The following LRP1B variants were observed in gnomAD, a reference collection of about 807,000 sequenced individuals.
LRP1B encodes low-density lipoprotein receptor-related protein 1B.
LRP1B carries 217 observed loss-of-function variants against 556.6 expected under a neutral mutation model. The ratio of observed to expected loss-of-function variants is 0.39; its 90% CI spans 0.35 to 0.44. The LOEUF (loss-of-function observed/expected upper bound fraction) is 0.44, where lower values mean the gene tolerates loss of function less well. LRP1B is among the 20% of genes least tolerant of loss of function. The pLI, the probability that LRP1B is intolerant of heterozygous loss-of-function variation, is 1.00. For missense variants in LRP1B, 5,053 were observed against 5,620.8 expected, an observed-to-expected ratio of 0.90 and a Z score of 3.23; for synonymous variants, 2,047 against 1,865.8, an observed-to-expected ratio of 1.10 and a Z score of -2.50.
intron 84 of LRP1B, among the ~76,000 whole-genome samples, chr2:140,294,954 G>A (rs2104994481): frequency 6.6e-6 from 1 of 152,274 alleles, no homozygotes; most frequent in East Asian, 1.9e-4. Flanking sequence ...TCGGCTCACT[G>A]CAAGCTCCAC....
At chr2:142,049,006 T>C (rs1704352934) in intron 1 of LRP1B, among the ~76,000 whole-genome samples, 1 of 152,108 alleles carries the variant, frequency 6.6e-6, no homozygotes, top group Non-Finnish European at 1.5e-5. Flanking sequence ...AGTTTCTAAA[T>C]GTCTCAAAGC....
chr2:140,532,356 T>C (rs1690732466), intron 47 of LRP1B, among the ~76,000 whole-genome samples: 1 of 151,282 alleles, frequency 6.6e-6, no homozygotes, highest in Non-Finnish European at 1.5e-5. Context: ...CCCTGGCTCC[T>C]TCCCATACCT....
intron 25 of LRP1B, among the ~76,000 whole-genome samples, chr2:140,874,707 C>T (rs1693249482): frequency 6.6e-6 from 1 of 151,674 alleles, no homozygotes; most frequent in Admixed American, 6.6e-5. Context: ...AATTACAGGG[C>T]TTGGACTCCT....
chr2:140,325,045 AAAGTGGATATGAT>A (rs1373417317), intron 80 of LRP1B, among the ~76,000 whole-genome samples: 14 of 152,276 alleles, frequency 9.2e-5, no homozygotes, highest in African/African-American at 3.4e-4. Context: ...ATAAAAATTT[AAAGTGGATATGAT>A]AATTTGTGGT....
At chr2:141,083,777 GCCACCTCAGGACTCTGCAGCGAGT>G (rs1466667015) in intron 7 of LRP1B, among the ~76,000 whole-genome samples, 1 of 152,134 alleles carries the variant, frequency 6.6e-6, no homozygotes, top group East Asian at 1.9e-4. Flanking sequence ...GATGCCCTGT[GCCACCTCAGGACTCTGCAGCGAGT>G]CCTCATTGGC....
chr2:140,302,270 T>C (rs1237047030), intron 83 of LRP1B, among the ~76,000 whole-genome samples: 1 of 152,162 alleles, frequency 6.6e-6, no homozygotes, highest in Non-Finnish European at 1.5e-5. Context: ...GATTCTGGGC[T>C]CCTTCTTCTT....
intron 3 of LRP1B, among the ~76,000 whole-genome samples, chr2:141,361,426 G>A (rs966939128): frequency 2.6e-5 from 4 of 151,900 alleles, no homozygotes; most frequent in South Asian, 2.1e-4. Context: ...ATATTTAAAG[G>A]AGATATGCTG....
chr2:141,795,408 G>A (rs992199748), intron 2 of LRP1B, among the ~76,000 whole-genome samples: 1 of 152,064 alleles, frequency 6.6e-6, no homozygotes, highest in Non-Finnish European at 1.5e-5. Context: ...GCGTGAGTGT[G>A]CACAGCAGCC....
chr2:141,362,464 G>A (rs1688859669), intron 3 of LRP1B, among the ~76,000 whole-genome samples: 1 of 152,204 alleles, frequency 6.6e-6, no homozygotes, highest in Non-Finnish European at 1.5e-5. Flanking sequence ...CAGCGCAGAA[G>A]AAAGGAAACT....
chr2:140,988,935 T>C (rs557744566), intron 17 of LRP1B, among the ~76,000 whole-genome samples: 1 of 152,246 alleles, frequency 6.6e-6, no homozygotes, highest in Admixed American at 6.5e-5. Context: ...ATGACCTTTC[T>C]GGCACTCCAT....
intron 3 of LRP1B, among the ~76,000 whole-genome samples, chr2:141,424,847 T>C (rs1221481378): frequency 2.6e-5 from 4 of 152,206 alleles, no homozygotes; most frequent in Non-Finnish European, 1.5e-5. Flanking sequence ...GATAACCTTG[T>C]AGTGAGGTTT....
At chr2:141,074,647 A>AT (rs1699740910) in intron 7 of LRP1B, among the ~76,000 whole-genome samples, 3 of 106,506 alleles carry the variant, frequency 2.8e-5, no homozygotes, top group South Asian at 5.9e-4. Context: ...TACATATATA[A>AT]TTTTTTTCAT....
chr2:140,546,000 T>TG (rs1680321567), intron 43 of LRP1B, among the ~76,000 whole-genome samples: 19 of 142,700 alleles, frequency 1.3e-4, no homozygotes, highest in Middle Eastern at 3.5e-3. Context: ...TATTATTAGG[T>TG]TGTGTGTGTG....
In LRP1B at chr2:141,020,042, T is replaced by C. The variant is rs752189607; in HGVS notation, c.1850A>G (p.Asn617Ser). 8 of 1,612,052 alleles carry C rather than the reference T, an allele frequency of 5.0e-6. No homozygotes were observed. Among genetic ancestry groups the C allele is most frequent in the South Asian group, 2.2e-5 (2 of 90,938 alleles). ...DWIGNNLYWT[N>S]DGHRKTINVA... ...ATTAATGGTTTTCCTATGGCCATCA[T>C]TGGTCCAGTAAAGATTATTTCCAAT... is the stretch of plus-strand genomic sequence containing the variant. Residue 617 changes from asparagine (N) to serine (S), a missense_variant, in exon 12 of 91, where the codon AAT (asparagine) becomes AGT (serine). Asn to Ser is a conservative substitution (Grantham distance 46, BLOSUM62 1). This residue lies in a region of LRP1B where 3,619 missense variants were observed against 3,931.9 expected (regional missense o/e 0.92). Coordinates refer to ENST00000389484, the MANE Select transcript of LRP1B (RefSeq NM_018557.3).
chr2:141,980,979 A>C (rs548013341), intron 1 of LRP1B, among the ~76,000 whole-genome samples: 6 of 152,254 alleles, frequency 3.9e-5, no homozygotes, highest in Non-Finnish European at 1.5e-5. Flanking sequence ...TATGCAGGCA[A>C]ATATTCGGTG....
chr2:141,057,976 T>C (rs1450947087), intron 9 of LRP1B, among the ~76,000 whole-genome samples: 4 of 151,910 alleles, frequency 2.6e-5, no homozygotes, highest in Admixed American at 2.6e-4. Flanking sequence ...TCTAATATAA[T>C]ACATAATTTA....
chr2:141,768,150 C>CA (rs1409515750), intron 2 of LRP1B, among the ~76,000 whole-genome samples: 1 of 152,124 alleles, frequency 6.6e-6, no homozygotes, highest in African/African-American at 2.4e-5. Context: ...GTGTCAATGA[C>CA]AAGTTTCACA....
rs1169272464 is a variant in LRP1B at position 140,368,716 on chromosome 2, A to G, written c.11008+1994T>C. On this transcript the variant is annotated intron_variant, in intron 71 of 90. Coordinates refer to ENST00000389484, the MANE Select transcript of LRP1B (RefSeq NM_018557.3). ...ACACTCAGCTCCTATAAGCTCATGT[A>G]TCCTGATTGGAAATGAATAGAAATG... Among the ~76,000 whole-genome samples, 3 of 151,996 alleles carry G rather than the reference A, an allele frequency of 2.0e-5. No individual in the cohort carries two copies. In the East Asian group the frequency reaches 5.8e-4, roughly 30 times the overall value.
intron 1 of LRP1B, among the ~76,000 whole-genome samples, chr2:142,127,214 C>A (rs72996350): frequency 6.6e-6 from 1 of 151,920 alleles, no homozygotes; most frequent in Non-Finnish European, 1.5e-5. Context: ...TTCAGATTCA[C>A]ACTGGTGGCA....
Sources: allele counts gnomAD v4.1 joint callset (sites outside exome capture counted in the v4.1 genomes callset), GRCh38; gene constraint gnomAD v4.1.1; regional missense constraint gnomAD v4.1.1; transcripts MANE v1.5; gene names NCBI Gene and HGNC (gene_info 2026-07-23, HGNC 2026-07-21).